Variants in CD86 observed in about 807,000 individuals in gnomAD.
CD86 encodes CD86 molecule, also known as T-lymphocyte activation antigen CD86.
CD86 carries 11 observed loss-of-function variants against 32.1 expected under a neutral mutation model. That is an observed-to-expected ratio of 0.34 (90% CI 0.22 to 0.57). CD86 has a LOEUF of 0.57. CD86 is among the 20% of genes least tolerant of loss of function. The pLI is 0.86. For synonymous variants in CD86, 137 were observed against 135.3 expected (o/e 1.01, Z -0.09); for missense variants, 359 against 398.4 (o/e 0.90, Z 0.84).
intron 2 of CD86, among the ~76,000 whole-genome samples, chr3:122,101,646 A>G (rs2073011785): frequency 6.6e-6 from 1 of 151,594 alleles, no homozygotes; most frequent in Admixed American, 6.6e-5. Context: ...AATTGGCAGA[A>G]TTTTTAACTG....
chr3:122,060,443 T>G (rs1269382981), intron 1 of CD86, among the ~76,000 whole-genome samples: 1 of 152,106 alleles, frequency 6.6e-6, no homozygotes, highest in African/African-American at 2.4e-5. Context: ...GGAAATAATC[T>G]GGAGTCAGGC....
At chr3:122,099,842 G>C (rs747667211) in intron 2 of CD86, among the ~76,000 whole-genome samples, 2 of 152,150 alleles carry the variant, frequency 1.3e-5, no homozygotes, top group Non-Finnish European at 2.9e-5. Context: ...ATATTGTTCA[G>C]CACAGAGACA....
intron 4 of CD86, among the ~76,000 whole-genome samples, chr3:122,107,136 G>T (rs1034512948): frequency 1.3e-5 from 2 of 152,164 alleles, no homozygotes; most frequent in South Asian, 2.1e-4. Context: ...GGCATTCAGA[G>T]GTAGGCAAGA....
chr3:122,072,746 T>C (rs1178672140), intron 1 of CD86, among the ~76,000 whole-genome samples: 1 of 152,198 alleles, frequency 6.6e-6, no homozygotes, highest in African/African-American at 2.4e-5. Context: ...TAGATCCCAT[T>C]TGTCAATTTT....
chr3:122,087,426 G>A (rs2072741619), intron 1 of CD86, among the ~76,000 whole-genome samples: 1 of 152,122 alleles, frequency 6.6e-6, no homozygotes, highest in South Asian at 2.1e-4. Context: ...ATTCCTGAGG[G>A]AGTGGGGACA....
chr3:122,079,355 T>C (rs1339052485), intron 1 of CD86, among the ~76,000 whole-genome samples: 1 of 152,142 alleles, frequency 6.6e-6, no homozygotes, highest in Non-Finnish European at 1.5e-5. Context: ...GATGAAGAGA[T>C]AAGCCAAGCC....
intron 5 of CD86, among the ~76,000 whole-genome samples, chr3:122,109,961 C>G (rs1229323462): frequency 1.3e-5 from 2 of 152,140 alleles, no homozygotes; most frequent in Non-Finnish European, 2.9e-5. Flanking sequence ...ATCTATAACT[C>G]CACTAATAAG....
chr3:122,078,917 C>T (rs972144878), intron 1 of CD86, among the ~76,000 whole-genome samples: 2 of 152,142 alleles, frequency 1.3e-5, no homozygotes, highest in Non-Finnish European at 2.9e-5. Context: ...ACTTGCAGTT[C>T]GTGTTATGTC....
chr3:122,075,837 T>A (rs1290080268), intron 1 of CD86, among the ~76,000 whole-genome samples: 1 of 152,194 alleles, frequency 6.6e-6, no homozygotes, highest in African/African-American at 2.4e-5. Flanking sequence ...AAAGAAGTGC[T>A]ATGGAAGGGA....
intron 1 of CD86, among the ~76,000 whole-genome samples, chr3:122,063,107 A>G (rs2072363004): frequency 1.3e-5 from 2 of 152,164 alleles, no homozygotes; most frequent in African/African-American, 2.4e-5. Flanking sequence ...CTATAACTGT[A>G]ATCACGTAAG....
chr3:122,089,407 G>GA (rs1376759707), intron 1 of CD86, among the ~76,000 whole-genome samples: 2 of 152,170 alleles, frequency 1.3e-5, no homozygotes, highest in Non-Finnish European at 2.9e-5. Flanking sequence ...TCACAAATTA[G>GA]AAAACACGTT....
chr3:122,081,002 C>T (rs889754555), intron 1 of CD86, among the ~76,000 whole-genome samples: 1 of 152,198 alleles, frequency 6.6e-6, no homozygotes, highest in Non-Finnish European at 1.5e-5. Context: ...CACCCTGATA[C>T]CAGCCGTCAC....
chr3:122,118,196 C>T, intron 6 of CD86, 103 bp downstream of exon 6: 1 of 924,962 alleles, frequency 1.1e-6, no homozygotes, highest in Non-Finnish European at 1.8e-6. Flanking sequence ...CCTCAGCAAA[C>T]CTGAACTAAT....
chr3:122,075,946 A>G (rs1042620469), intron 1 of CD86, among the ~76,000 whole-genome samples: 3 of 152,188 alleles, frequency 2.0e-5, no homozygotes. Context: ...TGACATGCCT[A>G]TGAGATATTT....
At chr3:122,067,855 G>T (rs2072435947) in intron 1 of CD86, among the ~76,000 whole-genome samples, 1 of 152,176 alleles carries the variant, frequency 6.6e-6, no homozygotes. Context: ...TGCCTCTTGT[G>T]TGGTGGCAGA....
intron 1 of CD86, among the ~76,000 whole-genome samples, chr3:122,064,064 CA>C (rs1472541161): frequency 1.3e-5 from 2 of 151,938 alleles, no homozygotes; most frequent in Non-Finnish European, 2.9e-5. Context: ...ATCAGCCAAA[CA>C]AGAGAGAAAG....
chr3:122,082,729 G>A (rs900122445), intron 1 of CD86, among the ~76,000 whole-genome samples: 1 of 152,122 alleles, frequency 6.6e-6, no homozygotes, highest in Non-Finnish European at 1.5e-5. Context: ...TTACCCTCAG[G>A]AGATTCATCA....
intron 1 of CD86, among the ~76,000 whole-genome samples, chr3:122,075,764 A>T (rs1404285368): frequency 2.6e-5 from 4 of 152,298 alleles, no homozygotes; most frequent in Middle Eastern, 3.4e-3. Context: ...ACTCCTTTTA[A>T]TATCATTCTA....
chr3:122,091,673 A>G (rs753218784), intron 2 of CD86, 23 bp downstream of exon 2: 2 of 1,600,118 alleles, frequency 1.2e-6, no homozygotes, highest in Non-Finnish European at 1.7e-6. Flanking sequence ...CAGCTTTGTT[A>G]AGTCCTGGAA....
Sources: gnomAD v4.1 joint callset for allele counts (sites outside exome capture counted in the v4.1 genomes callset) on GRCh38, gnomAD v4.1.1 for gene constraint, MANE v1.5 for transcripts, NCBI Gene and HGNC (gene_info 2026-07-23, HGNC 2026-07-21) for gene names.